Variants in MBTPS1 observed in about 807,000 individuals in gnomAD.
MBTPS1 encodes membrane-bound transcription factor site-1 protease.
A neutral mutation model predicts 127.8 loss-of-function variants in MBTPS1; 94 were observed. The observed-to-expected ratio is 0.74, with a 90% CI of 0.62 to 0.87. The LOEUF (loss-of-function observed/expected upper bound fraction) is 0.87, where lower values mean the gene tolerates loss of function less well. Among genes scored for constraint, MBTPS1 ranks in the 40% least tolerant of loss-of-function variants. MBTPS1 has a pLI of 0.00. For synonymous variants in MBTPS1, 632 were observed against 509.4 expected (o/e 1.24, Z -3.24); for missense variants, 1,636 against 1,353.2 (o/e 1.21, Z -3.28).
chr16:84,060,479 G>C (rs1046414982), intron 20 of MBTPS1: 4 of 549,768 alleles, frequency 7.3e-6, no homozygotes, highest in African/African-American at 3.8e-5. Context: ...CTGGGTCCTC[G>C]ATCATGGCCC....
chr16:84,069,923 T>C lies in MBTPS1; in HGVS notation c.1898A>G (p.Tyr633Cys), dbSNP rs776327322. The change falls in exon 14 of 23, where the codon TAT becomes TGT. Residue 633 changes from tyrosine to cysteine, a missense_variant. Transcript: ENST00000343411. ...ATCCCTGGGGAAATAGCCAGGTGGA[T>C]AGCGGAGGTTGTGGTACTGATCCCA... ...VLWDQYHNLR[Y>C]PPGYFPRDNL... The C allele has an allele frequency of 4.3e-6, 7 of 1,613,924 alleles. No homozygotes were observed. The highest frequency in any genetic ancestry group is 5.9e-6 in the Non-Finnish European group (7 of 1,179,962).
chr16:84,056,511 T>A (rs1231594886), intron 21 of MBTPS1: 1 of 171,428 alleles, frequency 5.8e-6, no homozygotes, highest in Non-Finnish European at 1.3e-5. Context: ...AGCCTGGGGC[T>A]ATCGAGGTCC....
At chr16:84,100,558 GA>G (rs72287309) in intron 2 of MBTPS1, among the ~76,000 whole-genome samples, 42,357 of 151,490 alleles carry the variant, frequency 0.28, 6,039 homozygotes, top group African/African-American at 0.33. Context: ...AAAGAAAAAA[GA>G]AAAAACAAAA....
At chr16:84,054,727 C>G (rs1419826630) in intron 22 of MBTPS1, 82 bp from the exon 23 acceptor site, 2 of 1,123,418 alleles carry the variant, frequency 1.8e-6, no homozygotes, top group Admixed American at 2.8e-5. Flanking sequence ...CTGGATTCAT[C>G]AGAAACTAAA....
At chr16:84,103,813 G>GC (rs2086289301) in intron 1 of MBTPS1, among the ~76,000 whole-genome samples, 1 of 152,148 alleles carries the variant, frequency 6.6e-6, no homozygotes, top group African/African-American at 2.4e-5. Flanking sequence ...TGAAAAACAA[G>GC]CCCATCTCTG....
In MBTPS1 at chr16:84,063,368, C is replaced by T. The variant is rs376241284; in HGVS notation, c.2509G>A (p.Gly837Ser). 6.2e-7 allele frequency: 1 copy of T among 1,614,136 alleles called. No individual in the cohort carries two copies. The highest frequency in any genetic ancestry group is 8.5e-7 in the Non-Finnish European group (1 of 1,179,976). Reference protein sequence around the residue: ...ILGLYQIPAEGGGRIVLYGDS... With the variant: ...ILGLYQIPAESGGRIVLYGDS... ...CCATACAGTACAATCCGGCCTCCAC[C>T]CTCAGCTGGAATCTGATAAAGTCCC... The change falls in exon 19 of 23, where the codon GGT becomes AGT. Residue 837 changes from glycine to serine, a missense_variant. By Grantham distance (56) the Gly-to-Ser change is moderately conservative. Coordinates refer to ENST00000343411, the MANE Select transcript of MBTPS1 (RefSeq NM_003791.4).
At chr16:84,110,273 T>C (rs1042938973) in intron 1 of MBTPS1, among the ~76,000 whole-genome samples, 1 of 152,250 alleles carries the variant, frequency 6.6e-6, no homozygotes, top group Admixed American at 6.5e-5. Flanking sequence ...TATCTCATTC[T>C]AGGAAATTGA....
intron 12 of MBTPS1, chr16:84,071,981 C>G (rs1368717908): frequency 6.6e-6 from 1 of 152,192 alleles, no homozygotes; most frequent in Non-Finnish European, 1.5e-5. Context: ...ACCCACCCCA[C>G]AAAGAACTGA....
At position 84,070,727 on chromosome 16, in the gene MBTPS1, G is replaced by C. The variant is rs749390389; in HGVS notation, c.1643C>G (p.Ala548Gly). 3 of 1,614,066 alleles carry C rather than the reference G, an allele frequency of 1.9e-6. No individual in the cohort carries two copies. The highest frequency in any genetic ancestry group is 2.5e-6 in the Non-Finnish European group (3 of 1,179,986). The stretch of plus-strand genomic sequence containing the variant: ...CCATAAGACCGAGGAGTAGGAGAAG[G>C]CAACTTCAATGTTGTCTCCGTTCTG... Reference protein sequence around the residue: ...LPQNGDNIEVAFSYSSVLWPW... With the variant: ...LPQNGDNIEVGFSYSSVLWPW... The change falls in exon 13 of 23, where the codon GCC becomes GGC. Residue 548 changes from alanine (A) to glycine (G), a missense_variant. Ala to Gly is a moderately conservative substitution (Grantham distance 60, BLOSUM62 0). Coordinates refer to ENST00000343411, the MANE Select transcript of MBTPS1 (RefSeq NM_003791.4).
intron 19 of MBTPS1, among the ~76,000 whole-genome samples, chr16:84,062,401 G>A (rs941504464): frequency 6.6e-6 from 1 of 152,176 alleles, no homozygotes; most frequent in Non-Finnish European, 1.5e-5. Context: ...TCACAGGCGT[G>A]AGCCACCGCG....
intron 1 of MBTPS1, among the ~76,000 whole-genome samples, chr16:84,104,143 CAGT>C (rs1313118333): frequency 6.6e-6 from 1 of 152,072 alleles, no homozygotes; most frequent in Non-Finnish European, 1.5e-5. Flanking sequence ...AGATAAAAGC[CAGT>C]AATAACAGTT....
chr16:84,068,408 G>A lies in MBTPS1; in HGVS notation c.2002C>T (p.Leu668=), dbSNP rs769513895. 3.7e-6 allele frequency: 6 copies of A among 1,614,232 alleles called. No individual in the cohort carries two copies. In the South Asian group the frequency reaches 6.6e-5, roughly 18 times the overall value. ...HTNFRDMYQH[L]RSMGYFVEVL... ...TCTACAAAGTAGCCCATGCTTCTCA[G>A]ATGCTGGTACATATCCCTGAAATTG... Residue 668 remains leucine, a synonymous_variant, in exon 15 of 23, where the codon CTG becomes TTG. Coordinates refer to ENST00000343411, the MANE Select transcript of MBTPS1 (RefSeq NM_003791.4).
chr16:84,091,099 G>C (rs1274450911), intron 7 of MBTPS1, among the ~76,000 whole-genome samples, 157 bp from the exon 8 acceptor site: 2 of 152,086 alleles, frequency 1.3e-5, no homozygotes, highest in African/African-American at 4.8e-5. Context: ...TGCATTTTTA[G>C]AGGATACCAC....
chr16:84,084,851 G>C (rs777347059), intron 10 of MBTPS1, 132 bp downstream of exon 10: 15 of 852,606 alleles, frequency 1.8e-5, no homozygotes, highest in Non-Finnish European at 2.4e-5. Context: ...AGGAGAGACA[G>C]AGCAAGGCTG....
intron 1 of MBTPS1, among the ~76,000 whole-genome samples, chr16:84,107,765 C>T (rs1354099147): frequency 6.7e-6 from 1 of 150,134 alleles, no homozygotes; most frequent in African/African-American, 2.5e-5. Context: ...AGGACAGTGG[C>T]ACAATCATGG....
chr16:84,069,385 C>A (rs552863861), intron 14 of MBTPS1, among the ~76,000 whole-genome samples: 1 of 152,288 alleles, frequency 6.6e-6, no homozygotes, highest in Admixed American at 6.5e-5. Context: ...TCAGAATAGG[C>A]AGTCACTGGA....
chr16:84,087,446 G>C lies in MBTPS1; in HGVS notation c.1046C>G (p.Pro349Arg). Residue 349 changes from proline (P) to arginine (R), a missense_variant, in exon 9 of 23, where the codon CCT becomes CGT. Transcript: ENST00000343411. ...TCCAATCACATCCATTTGATCAGCA[G>C]GGTTATTCAGAGTGCTATATTGAGA... ...DGPLYGTLNN[P>R]ADQMDVIGVG... The C allele has an allele frequency of 1.2e-6, 2 of 1,603,838 alleles. No homozygotes were observed. The highest frequency in any genetic ancestry group is 1.4e-5 in the African/African-American group (1 of 73,654).
intron 17 of MBTPS1, among the ~76,000 whole-genome samples, chr16:84,065,970 AC>A (rs2085677057): frequency 1.3e-5 from 2 of 152,336 alleles, no homozygotes; most frequent in African/African-American, 4.8e-5. Flanking sequence ...AACACTACTA[AC>A]ATCAGGTTTC....
At position 84,067,709 on chromosome 16, in the gene MBTPS1, G is replaced by C. The variant is rs757952811; in HGVS notation, c.2186C>G (p.Thr729Ser). 3.1e-6 allele frequency: 5 copies of C among 1,613,914 alleles called. 1 individual carries two copies. The African/African-American group carries it at 6.7e-5, about 22-fold the overall frequency. ...SLVIFSDWYN[T>S]SVMRKVKFYD... The stretch of plus-strand genomic sequence containing the variant: ...AAACTTCACTTTTCTCATAACAGAA[G>C]TGTTGTACCAGTCACTGAAGATGAC... Residue 729 changes from threonine (T) to serine (S), a missense_variant, in exon 16 of 23, where the codon ACT becomes AGT. Thr to Ser is a moderately conservative substitution (Grantham distance 58, BLOSUM62 1). Transcript: ENST00000343411.
Sources: gnomAD v4.1 joint callset for allele counts (sites outside exome capture counted in the v4.1 genomes callset) on GRCh38, gnomAD v4.1.1 for gene constraint, MANE v1.5 for transcripts, NCBI Gene and HGNC (gene_info 2026-07-23, HGNC 2026-07-21) for gene names.